The following COP1 variants were observed in gnomAD, a reference collection of about 807,000 sequenced individuals.
COP1 encodes E3 ubiquitin-protein ligase COP1.
Under a neutral mutation model 101.3 loss-of-function variants are expected in COP1, and 24 were observed. That is an observed-to-expected ratio of 0.24 (90% CI 0.17 to 0.33). The LOEUF is 0.33. COP1 is among the 10% of genes least tolerant of loss of function. The pLI, the probability that COP1 is intolerant of heterozygous loss-of-function variation, is 1.00. For missense variants in COP1, 663 were observed against 906.2 expected (o/e 0.73, Z 3.45); for synonymous variants, 347 against 341.9 (o/e 1.01, Z -0.17).
In COP1 at chr1:175,951,437, A is replaced by AATATATATATATATATATATATAT. The variant is rs765055146; in HGVS notation, c.2134-4222_2134-4199dup. 1.9e-3 allele frequency among the ~76,000 whole-genome samples: 201 copies of AATATATATATATATATATATATAT among 107,892 alleles called. 1 individual carries two copies. Among genetic ancestry groups the AATATATATATATATATATATATAT allele is most frequent in the African/African-American group, 6.1e-3 (179 of 29,222 alleles). The allele number at this position is 107,892 out of a possible 152,430, so 70.8% of individuals were successfully genotyped here. A position where few individuals can be genotyped will look rare whatever the true frequency, so the allele number is the denominator to read the frequency against. On this transcript the variant is annotated intron_variant, in intron 18 of 19. Coordinates refer to ENST00000367669, the MANE Select transcript of COP1 (RefSeq NM_022457.7). ...AATGTATTTAAATATAAGATACGTG[A>AATATATATATATATATATATATAT]ATATATATATATATATATATATATA...
At chr1:176,121,214 C>A (rs1046945812) in intron 8 of COP1, among the ~76,000 whole-genome samples, 5 of 151,844 alleles carry the variant, frequency 3.3e-5, no homozygotes, top group Admixed American at 2.6e-4. Flanking sequence ...CCTGAAAATA[C>A]TAAATTTTTA....
Position 176,135,049 on chromosome 1 carries a change from C to T in COP1, c.929G>A (p.Ser310Asn). ...AGGAGCTTCAAATTGAGGCACTGTG[C>T]TATCCTCACTGACAGGAGAGTATAA... ...SGLYSPVSED[S>N]TVPQFEAPSP... Residue 310 changes from serine (S) to asparagine (N), a missense_variant, in exon 8 of 20, where the codon AGC becomes AAC. Ser to Asn is a conservative substitution (Grantham distance 46). This residue lies in a region of COP1 where 212 missense variants were observed against 240.7 expected (regional missense o/e 0.88). Coordinates refer to ENST00000367669, the MANE Select transcript of COP1 (RefSeq NM_022457.7). 6.2e-7 allele frequency: 1 copy of T among 1,610,904 alleles called. No individual in the cohort carries two copies. The highest frequency in any genetic ancestry group is 2.2e-5 in the East Asian group (1 of 44,792).
chr1:176,181,569 G>A lies in COP1; in HGVS notation c.467+3064C>T, dbSNP rs148888497. Among the ~76,000 whole-genome samples, 9 of 152,176 alleles carry A rather than the reference G, an allele frequency of 5.9e-5. No homozygotes were observed. The East Asian group carries it at 9.7e-4, about 16-fold the overall frequency. On this transcript the variant is annotated intron_variant, in intron 2 of 19. Coordinates refer to ENST00000367669, the MANE Select transcript of COP1 (RefSeq NM_022457.7). ...TCTTAAAACACATTCTTGGCTGGGC[G>A]CAGTGGCTCACGCTTGTAATCCCAG...
At chr1:176,184,488 C>T (rs1173258466) in intron 2 of COP1, 145 bp downstream of exon 2, 1 of 630,864 alleles carries the variant, frequency 1.6e-6, no homozygotes, top group African/African-American at 1.9e-5. Context: ...CCTTAAACTG[C>T]CACATCTACA....
At chr1:176,141,465 C>T (rs112668376) in intron 6 of COP1, among the ~76,000 whole-genome samples, 2,587 of 152,252 alleles carry the variant, frequency 0.017, 72 homozygotes, top group African/African-American at 0.058. Context: ...AGTGCCACTG[C>T]ACTCCAGCCT....
chr1:175,961,298 G>A (rs1337492803), intron 18 of COP1, among the ~76,000 whole-genome samples: 6 of 152,214 alleles, frequency 3.9e-5, no homozygotes, highest in Admixed American at 2.0e-4. Context: ...ATAAAGAAAC[G>A]CTCCCAAATT....
chr1:176,192,489 C>T (rs1699215514), intron 1 of COP1, among the ~76,000 whole-genome samples: 1 of 152,154 alleles, frequency 6.6e-6, no homozygotes, highest in Non-Finnish European at 1.5e-5. Context: ...TCAGCACCAA[C>T]ACTACACCAA....
intron 14 of COP1, among the ~76,000 whole-genome samples, chr1:176,030,258 G>C (rs1309787063): frequency 6.6e-6 from 1 of 152,190 alleles, no homozygotes; most frequent in Non-Finnish European, 1.5e-5. Flanking sequence ...ACAATTCTAA[G>C]ATGAGATGGC....
chr1:176,023,730 A>G (rs1315700808), intron 15 of COP1, among the ~76,000 whole-genome samples: 13 of 150,788 alleles, frequency 8.6e-5, no homozygotes, highest in East Asian at 2.0e-4. Context: ...AAAAAAAAAA[A>G]AAAAAAAAAG....
At chr1:176,189,697 ATCTT>A (rs950193473) in intron 1 of COP1, among the ~76,000 whole-genome samples, 4 of 151,908 alleles carry the variant, frequency 2.6e-5, no homozygotes, top group Admixed American at 6.6e-5. Context: ...AAATACATTT[ATCTT>A]TCATCACTAA....
chr1:175,968,054 G>A (rs1652425257), intron 18 of COP1, among the ~76,000 whole-genome samples: 1 of 152,026 alleles, frequency 6.6e-6, no homozygotes, highest in Non-Finnish European at 1.5e-5. Context: ...TTTCAGTAGA[G>A]ACAGGATTTC....
At chr1:176,121,776 A>G (rs1687155448) in intron 8 of COP1, among the ~76,000 whole-genome samples, 1 of 152,190 alleles carries the variant, frequency 6.6e-6, no homozygotes, top group Non-Finnish European at 1.5e-5. Context: ...AATTTCAAGG[A>G]CACAAATTTT....
At chr1:176,086,002 C>A in intron 9 of COP1, 112 bp from the exon 10 acceptor site, 1 of 522,008 alleles carries the variant, frequency 1.9e-6, no homozygotes, top group East Asian at 2.7e-5. Context: ...GTAAAATGAT[C>A]ACAAATAGTA....
intron 15 of COP1, among the ~76,000 whole-genome samples, chr1:176,004,740 G>T (rs143741566): frequency 0.68 from 97,544 of 143,672 alleles, 34,586 homozygotes; most frequent in East Asian, 0.92. Context: ...GATGTGCTGC[G>T]GGATTCGTTT....
intron 11 of COP1, among the ~76,000 whole-genome samples, chr1:176,068,027 A>G (rs1167764197): frequency 1.3e-5 from 2 of 152,058 alleles, no homozygotes; most frequent in African/African-American, 2.4e-5. Context: ...AAAATGTACC[A>G]CTCTGGTGGG....
chr1:176,059,696 C>T (rs538861630), intron 11 of COP1, among the ~76,000 whole-genome samples: 41 of 151,882 alleles, frequency 2.7e-4, no homozygotes, highest in African/African-American at 4.8e-5. Context: ...TTAGTCAGGC[C>T]GGTCTCGAAC....
intron 11 of COP1, among the ~76,000 whole-genome samples, chr1:176,070,082 G>A (rs544137778): frequency 6.6e-6 from 1 of 152,092 alleles, no homozygotes; most frequent in African/African-American, 2.4e-5. Flanking sequence ...TATCCCCCAC[G>A]AACCCTGTTG....
rs1243204667 is a variant in COP1 at position 175,996,615 on chromosome 1, G to C, written c.1730-7136C>G. 3.4e-5 allele frequency among the ~76,000 whole-genome samples: 5 copies of C among 148,676 alleles called. No homozygotes were observed. The East Asian group carries it at 7.7e-4, about 23-fold the overall frequency. Reference sequence around the variant, plus strand: ...CTTATACACCAATAACAGACAAACAGAGAGCCAAATCATGAGTGAACTCCC... The same window carrying C: ...CTTATACACCAATAACAGACAAACACAGAGCCAAATCATGAGTGAACTCCC... On this transcript the variant is annotated intron_variant, in intron 15 of 19. Transcript: ENST00000367669.
At position 175,953,779 on chromosome 1, in the gene COP1, A is replaced by C. The variant is rs915382587; in HGVS notation, c.2134-6540T>G. 2.0e-5 allele frequency among the ~76,000 whole-genome samples: 3 copies of C among 149,202 alleles called. No homozygotes were observed. In the Admixed American group the frequency reaches 2.0e-4, roughly 10 times the overall value. On this transcript the variant is annotated intron_variant, in intron 18 of 19. Transcript: ENST00000367669. Reference sequence around the variant, plus strand: ...GGTCAACTTATAAAAAAAAAAAAAAACTCCTATATACATATATATCTAAAA... The same window carrying C: ...GGTCAACTTATAAAAAAAAAAAAAACCTCCTATATACATATATATCTAAAA...
Sources: gnomAD v4.1 joint callset for allele counts (sites outside exome capture counted in the v4.1 genomes callset) on GRCh38, gnomAD v4.1.1 for gene constraint, gnomAD v4.1.1 regional missense constraint, MANE v1.5 for transcripts, NCBI Gene and HGNC (gene_info 2026-07-23, HGNC 2026-07-21) for gene names.